The following F10 variants were observed in gnomAD, a reference collection of about 807,000 sequenced individuals.
The protein encoded by F10 is Stuart-Prower factor.
Under a neutral mutation model 37.1 loss-of-function variants are expected in F10, and 29 were observed. The ratio of observed to expected loss-of-function variants is 0.78; its 90% CI spans 0.58 to 1.07. The LOEUF is 1.07. Ranked by LOEUF, F10 falls within the 50% of genes least tolerant of loss-of-function variation. The pLI is 0.00. For synonymous variants in F10, 262 were observed against 268.6 expected (o/e 0.98, Z 0.24); for missense variants, 539 against 667.9 (o/e 0.81, Z 2.13).
In F10 at chr13:113,146,662, GAATGTTTTAAGA is replaced by G. The variant is rs1177078790; in HGVS notation, c.748-704_748-693del. Among the ~76,000 whole-genome samples the G allele has an allele frequency of 6.6e-6, 1 of 152,222 alleles. No individual in the cohort carries two copies. The highest frequency in any genetic ancestry group is 1.5e-5 in the Non-Finnish European group (1 of 68,040). ...AAAACATGACCCCTTTTCTAGCCAT[GAATGTTTTAAGA>G]AATGTTTTAAGACTCGGTATTGTCA... On this transcript the variant is annotated intron_variant, in intron 6 of 7. Coordinates refer to ENST00000375559, the MANE Select transcript of F10 (RefSeq NM_000504.4). This position sits in a 1 kb window ranked among gnomAD's most constrained non-coding sequence, Gnocchi z 4.5.
Position 113,143,514 on chromosome 13 carries a change from G to A in F10, c.503-337G>A, listed in dbSNP as rs557657315. Among the ~76,000 whole-genome samples, 5 of 152,254 alleles carry A rather than the reference G, an allele frequency of 3.3e-5. No individual in the cohort carries two copies. Among genetic ancestry groups the A allele is most frequent in the East Asian group, 1.9e-4 (1 of 5,178 alleles). ...GCATTCATCCCATTTCGCCCGGCCC[G>A]TTTGTCTCTGTCCATCCGTCAAGCT... is the stretch of plus-strand genomic sequence containing the variant. On this transcript the variant is annotated intron_variant, in intron 5 of 7. Transcript: ENST00000375559. This position sits in a 1 kb window ranked among gnomAD's most constrained non-coding sequence, Gnocchi z 6.8.
In F10 at chr13:113,137,031, C is replaced by T. The variant is rs3211760; in HGVS notation, c.232-1426C>T. ...AACTCCTGACCTCAAGTGATCCACC[C>T]GCCTCAGCCTCCCAAAGTGCTGGGA... On this transcript the variant is annotated intron_variant, in intron 2 of 7. Coordinates refer to ENST00000375559, the MANE Select transcript of F10 (RefSeq NM_000504.4). Among the ~76,000 whole-genome samples the T allele has an allele frequency of 2.1e-3, 325 of 152,080 alleles. 1 individual carries two copies. The highest frequency in any genetic ancestry group is 7.5e-3 in the African/African-American group (311 of 41,500).
chr13:113,134,392 G>C (rs2036460087), intron 2 of F10, among the ~76,000 whole-genome samples: 1 of 152,180 alleles, frequency 6.6e-6, no homozygotes, highest in South Asian at 2.1e-4. Context: ...GGAGACCTCA[G>C]TAAACTTACA....
At position 113,141,372 on chromosome 13, in the gene F10, C is replaced by T. The variant is rs377326220; in HGVS notation, c.502+322C>T. ...GCACTTTGCATGATGCCTGGCCCAC[C>T]GCAGGCCCTCAGTCTGCATTGGGAC... is the stretch of plus-strand genomic sequence containing the variant. On this transcript the variant is annotated intron_variant, in intron 5 of 7. Coordinates refer to ENST00000375559, the MANE Select transcript of F10 (RefSeq NM_000504.4). The surrounding 1 kb of genome is among the most constrained non-coding windows in gnomAD (Gnocchi z 5.4). Among the ~76,000 whole-genome samples, 4 of 152,182 alleles carry T rather than the reference C, an allele frequency of 2.6e-5. No individual in the cohort carries two copies. Among genetic ancestry groups the T allele is most frequent in the Admixed American group, 6.5e-5 (1 of 15,286 alleles).
In F10 at chr13:113,146,786, C is replaced by T. The variant is rs753840089; in HGVS notation, c.748-593C>T. Reference sequence around the variant, plus strand: ...AAAAGAAAACCAAAATATGCCCGGGCTCCAAACTTGCAAGTCCAGCTCCCT... The same window carrying T: ...AAAAGAAAACCAAAATATGCCCGGGTTCCAAACTTGCAAGTCCAGCTCCCT... On this transcript the variant is annotated intron_variant, in intron 6 of 7. Coordinates refer to ENST00000375559, the MANE Select transcript of F10 (RefSeq NM_000504.4). This position sits in a 1 kb window ranked among gnomAD's most constrained non-coding sequence, Gnocchi z 4.5. 3.3e-5 allele frequency among the ~76,000 whole-genome samples: 5 copies of T among 152,164 alleles called. No homozygotes were observed. Among genetic ancestry groups the T allele is most frequent in the African/African-American group, 4.8e-5 (2 of 41,450 alleles).
chr13:113,122,843 ACTCGGC>A lies in F10; in HGVS notation c.-11_-6del. On this transcript the variant is annotated 5_prime_UTR_variant, in exon 1 of 8. Coordinates refer to ENST00000375559, the MANE Select transcript of F10 (RefSeq NM_000504.4). ...GTCCCAGTGAGGACAGGGACACAGT[ACTCGGC>A]CACACCATGGGGCGCCCACTGCACC... is the stretch of plus-strand genomic sequence containing the variant. The A allele has an allele frequency of 6.2e-7, 1 of 1,609,228 alleles. No individual in the cohort carries two copies. Among genetic ancestry groups the A allele is most frequent in the Non-Finnish European group, 8.5e-7 (1 of 1,179,982 alleles).
intron 2 of F10, chr13:113,129,846 G>A (rs2036412366): frequency 7.0e-6 from 4 of 569,076 alleles, no homozygotes; most frequent in South Asian, 3.9e-5. Flanking sequence ...GGAGGGATGC[G>A]CCCAAGTCCC....
At chr13:113,142,517 A>G (rs1397257185) in intron 5 of F10, among the ~76,000 whole-genome samples, 1 of 141,262 alleles carries the variant, frequency 7.1e-6, no homozygotes, top group African/African-American at 2.6e-5. Flanking sequence ...AGATTGCGCC[A>G]CTGCGCTCCA....
At position 113,143,902 on chromosome 13, in the gene F10, C is replaced by G. The variant is rs1394495112; in HGVS notation, c.554C>G (p.Ala185Gly). The change falls in exon 6 of 8, where the codon GCC (alanine) becomes GGC (glycine). Residue 185 changes from alanine to glycine, a missense_variant. Coordinates refer to ENST00000375559, the MANE Select transcript of F10 (RefSeq NM_000504.4). This position sits in a 1 kb window ranked among gnomAD's most constrained non-coding sequence, Gnocchi z 6.8. ...CTGGAACGCAGGAAGAGGTCAGTGG[C>G]CCAGGCCACCAGCAGCAGCGGGGAG... is the stretch of plus-strand genomic sequence containing the variant. The part of the protein sequence containing the change: ...QTLERRKRSV[A>G]QATSSSGEAP... 9 of 1,613,204 alleles carry G rather than the reference C, an allele frequency of 5.6e-6. No homozygotes were observed. Among genetic ancestry groups the G allele is most frequent in the Non-Finnish European group, 7.6e-6 (9 of 1,180,012 alleles).
intron 1 of F10, among the ~76,000 whole-genome samples, chr13:113,127,958 C>A (rs2036385929): frequency 6.6e-6 from 1 of 151,996 alleles, no homozygotes; most frequent in Non-Finnish European, 1.5e-5. Flanking sequence ...GCTGAGCCAG[C>A]GTGAGCATGT....
Position 113,140,317 on chromosome 13 carries a change from G to A in F10, c.371-602G>A, listed in dbSNP as rs1020634532. Among the ~76,000 whole-genome samples, 3 of 151,970 alleles carry A rather than the reference G, an allele frequency of 2.0e-5. No homozygotes were observed. In the East Asian group the frequency reaches 5.8e-4, roughly 29 times the overall value. ...AGGATGGTCTCGATCTCCTGACCTGGTGATCCGCCCGCTTCGACCTCCCAA... is the reference window on the plus strand; with the variant it reads ...AGGATGGTCTCGATCTCCTGACCTGATGATCCGCCCGCTTCGACCTCCCAA... On this transcript the variant is annotated intron_variant, in intron 4 of 7. Transcript: ENST00000375559.
In F10 at chr13:113,143,865, G is replaced by A. The variant is rs1172055040; in HGVS notation, c.517G>A (p.Gly173Arg). 1.2e-6 allele frequency: 2 copies of A among 1,612,714 alleles called. No individual in the cohort carries two copies. The highest frequency in any genetic ancestry group is 1.3e-5 in the African/African-American group (1 of 74,928). ...CTTTCTTTCAGGGCCCTACCCCTGT[G>A]GGAAACAGACCCTGGAACGCAGGAA... ...ACIPTGPYPC[G>R]KQTLERRKRS... The change falls in exon 6 of 8, where the codon GGG (glycine) becomes AGG (arginine). Residue 173 changes from glycine (G) to arginine (R), a missense_variant. Coordinates refer to ENST00000375559, the MANE Select transcript of F10 (RefSeq NM_000504.4). The surrounding 1 kb of genome is among the most constrained non-coding windows in gnomAD (Gnocchi z 6.8).
At chr13:113,145,218 AT>A (rs1355205286) in intron 6 of F10, among the ~76,000 whole-genome samples, 1 of 151,958 alleles carries the variant, frequency 6.6e-6, no homozygotes, top group Non-Finnish European at 1.5e-5. Flanking sequence ...AGAGACAGGA[AT>A]TTCACCATGT....
chr13:113,147,527 TGAGGGGCACCGTCACTGTC>T, intron 7 of F10, 31 bp downstream of exon 7: 1 of 1,352,926 alleles, frequency 7.4e-7, no homozygotes. Context: ...AGGGCCGTGG[TGAGGGGCACCGTCACTGTC>T]TGCTTTTCAG....
chr13:113,140,846 G>A (rs1405416354), intron 4 of F10, 73 bp from the exon 5 acceptor site: 16 of 1,610,452 alleles, frequency 9.9e-6, no homozygotes, highest in Non-Finnish European at 1.1e-5. Context: ...AGTGGATGTA[G>A]CTGGCACCCT....
At chr13:113,140,895 A>T (rs1391414263) in intron 4 of F10, 24 bp from the exon 5 acceptor site, 28 of 1,613,784 alleles carry the variant, frequency 1.7e-5, no homozygotes, top group Non-Finnish European at 2.4e-5. Flanking sequence ...CTGTCCCCAG[A>T]GCCAACGTGC....
At chr13:113,124,675 A>C (rs2036353558) in intron 1 of F10, among the ~76,000 whole-genome samples, 1 of 152,252 alleles carries the variant, frequency 6.6e-6, no homozygotes, top group Admixed American at 6.5e-5. Context: ...CCTTTAAACG[A>C]GCACAGCTGT....
rs559333280 is a variant in F10 at position 113,145,040 on chromosome 13, A to G, written c.747+945A>G. On this transcript the variant is annotated intron_variant, in intron 6 of 7. Transcript: ENST00000375559. ...ACTACAGGCGCCTGCCACCACGCCC[A>G]GCTAATTTTTTTTGTATTTTTAGTA... 6.3e-4 allele frequency among the ~76,000 whole-genome samples: 96 copies of G among 152,166 alleles called. 1 individual carries two copies. In the East Asian group the frequency reaches 0.01, roughly 16 times the overall value.
Position 113,141,119 on chromosome 13 carries a change from A to G in F10, c.502+69A>G, listed in dbSNP as rs571606179. 56 of 1,600,828 alleles carry G rather than the reference A, an allele frequency of 3.5e-5. No homozygotes were observed. In the Admixed American group the frequency reaches 4.4e-4, roughly 13 times the overall value. ...GGGCCAGGGAGGACAAGCCCGTGCC[A>G]GGGGGTGGGGACACAGGCATGTTCT... On this transcript the variant is annotated intron_variant, in intron 5 of 7. Coordinates refer to ENST00000375559, the MANE Select transcript of F10 (RefSeq NM_000504.4). The surrounding 1 kb of genome is among the most constrained non-coding windows in gnomAD (Gnocchi z 5.4).
Sources: allele counts gnomAD v4.1 joint callset (sites outside exome capture counted in the v4.1 genomes callset), GRCh38; gene constraint gnomAD v4.1.1; non-coding constraint Gnocchi (gnomAD v3.1); transcripts MANE v1.5; gene names NCBI Gene and HGNC (gene_info 2026-07-23, HGNC 2026-07-21).